ABHD12: variants seen among roughly 807,000 people sequenced by gnomAD.
ABHD12 encodes the protein lysophosphatidylserine lipase ABHD12.
In ABHD12, 43 loss-of-function variants were observed where a neutral mutation model predicts 58.3. That is an observed-to-expected ratio of 0.74 (90% CI 0.58 to 0.95). The LOEUF (loss-of-function observed/expected upper bound fraction) is 0.95, where lower values mean the gene tolerates loss of function less well. Among genes scored for constraint, ABHD12 ranks in the 40% least tolerant of loss-of-function variants. The pLI, the probability that ABHD12 is intolerant of heterozygous loss-of-function variation, is 0.00. For synonymous variants in ABHD12, 219 were observed against 211.2 expected (o/e 1.04, Z -0.32); for missense variants, 539 against 537.2 (o/e 1.00, Z -0.03).
At chr20:25,349,474 G>C (rs543735761) in intron 1 of ABHD12, among the ~76,000 whole-genome samples, 1 of 152,278 alleles carries the variant, frequency 6.6e-6, no homozygotes, top group Admixed American at 6.5e-5. Flanking sequence ...ATAGTCAAAA[G>C]GTGGAAGTAA....
In ABHD12 at chr20:25,315,887, C is replaced by T. The variant is rs142924978; in HGVS notation, c.574-917G>A. Among the ~76,000 whole-genome samples the T allele has an allele frequency of 1.7e-3, 256 of 152,360 alleles. 3 individuals are homozygous for T. Among genetic ancestry groups the T allele is most frequent in the African/African-American group, 5.8e-3 (240 of 41,594 alleles). ...TTCCCTTCTGCCCTGTGGGCCAGTGCAGATGGCCCTCTGAGGGGAGGAGAG... is the reference window on the plus strand; with the variant it reads ...TTCCCTTCTGCCCTGTGGGCCAGTGTAGATGGCCCTCTGAGGGGAGGAGAG... On this transcript the variant is annotated intron_variant, in intron 5 of 12. Coordinates refer to ENST00000339157, the MANE Select transcript of ABHD12 (RefSeq NM_001042472.3).
intron 1 of ABHD12, among the ~76,000 whole-genome samples, chr20:25,340,621 A>T (rs183628039): frequency 3.0e-3 from 464 of 152,352 alleles, no homozygotes; most frequent in Middle Eastern, 0.01. Context: ...CTCTAAACCT[A>T]GTGGGACAAG....
chr20:25,334,597 C>G (rs1174448261), intron 2 of ABHD12, among the ~76,000 whole-genome samples: 7 of 151,810 alleles, frequency 4.6e-5, no homozygotes, highest in Non-Finnish European at 1.0e-4. Context: ...GTACTGGTAC[C>G]AAAACAGAGA....
intron 1 of ABHD12, chr20:25,368,271 C>CT: frequency 6.5e-7 from 1 of 1,528,972 alleles, no homozygotes; most frequent in South Asian, 1.1e-5. Flanking sequence ...ACAAGTCAAA[C>CT]TTATTAGAGT....
At chr20:25,376,549 T>C (rs1195745842) in intron 1 of ABHD12, among the ~76,000 whole-genome samples, 1 of 152,172 alleles carries the variant, frequency 6.6e-6, no homozygotes, top group East Asian at 1.9e-4. Context: ...AACAAAAATA[T>C]TTCACCACTG....
At chr20:25,390,486 C>G (rs751396078) in intron 1 of ABHD12, 27 bp downstream of exon 1, 3 of 1,277,020 alleles carry the variant, frequency 2.3e-6, no homozygotes, top group Non-Finnish European at 2.0e-6. Context: ...GGCCCCCCCC[C>G]CCCCCCCGCT....
chr20:25,319,800 C>T (rs1328928537), intron 4 of ABHD12, among the ~76,000 whole-genome samples: 1 of 152,202 alleles, frequency 6.6e-6, no homozygotes, highest in Non-Finnish European at 1.5e-5. Context: ...TTTGAGATTA[C>T]AACAAGGAGA....
chr20:25,383,596 G>A (rs1223924062), intron 1 of ABHD12, among the ~76,000 whole-genome samples: 1 of 152,104 alleles, frequency 6.6e-6, no homozygotes, highest in African/African-American at 2.4e-5. Context: ...CGAGGCAGGC[G>A]GATCACAAGG....
rs560734616 is a variant in ABHD12 at position 25,360,310 on chromosome 20, G to A, written c.192-20959C>T. Among the ~76,000 whole-genome samples the A allele has an allele frequency of 5.2e-5, 7 of 134,162 alleles. No individual in the cohort carries two copies. In the Middle Eastern group the frequency reaches 0.013, roughly 248 times the overall value. 88.0% of individuals were successfully genotyped at this position (134,162 alleles called of 152,430 possible). A position where few individuals can be genotyped will look rare whatever the true frequency, so the allele number is the denominator to read the frequency against. ...GCCTGGAGTGCAGTGGTGCGATCTC[G>A]GCTCACTGCAACTTCCGCCTCCCAG... On this transcript the variant is annotated intron_variant, in intron 1 of 12. Transcript: ENST00000339157.
At chr20:25,351,860 C>T (rs557473541) in intron 1 of ABHD12, among the ~76,000 whole-genome samples, 4 of 152,114 alleles carry the variant, frequency 2.6e-5, no homozygotes, top group African/African-American at 7.2e-5. Flanking sequence ...GAGATTGCAC[C>T]GTTGCATCCC....
chr20:25,299,063 C>T (rs1430946431), downstream of ABHD12, among the ~76,000 whole-genome samples: 1 of 145,242 alleles, frequency 6.9e-6, no homozygotes, highest in Non-Finnish European at 1.5e-5. Context: ...CCACACAGTG[C>T]ACCCTTCTCG....
chr20:25,382,049 C>T (rs2090028784), intron 1 of ABHD12, among the ~76,000 whole-genome samples: 1 of 152,176 alleles, frequency 6.6e-6, no homozygotes, highest in Admixed American at 6.5e-5. Context: ...AGGAACATTC[C>T]ACACACCTGG....
intron 1 of ABHD12, among the ~76,000 whole-genome samples, chr20:25,354,066 G>T (rs1180640067): frequency 6.6e-6 from 1 of 152,168 alleles, no homozygotes; most frequent in African/African-American, 2.4e-5. Flanking sequence ...ATCCTGGAGC[G>T]GCCAAATAAA....
chr20:25,338,045 A>G (rs1463891687), intron 2 of ABHD12, among the ~76,000 whole-genome samples: 1 of 152,236 alleles, frequency 6.6e-6, no homozygotes, highest in Non-Finnish European at 1.5e-5. Context: ...TCTTACCGGC[A>G]TTAAAAAAAA....
chr20:25,377,954 C>T (rs1264620338), intron 1 of ABHD12, among the ~76,000 whole-genome samples: 2 of 152,160 alleles, frequency 1.3e-5, no homozygotes, highest in Non-Finnish European at 2.9e-5. Flanking sequence ...CCTCAGCCTC[C>T]CAAAGTGCTG....
chr20:25,308,349 GTGC>G, intron 8 of ABHD12, 105 bp downstream of exon 8: 1 of 1,417,146 alleles, frequency 7.1e-7, no homozygotes, highest in South Asian at 1.2e-5. Context: ...CCCCCAGAAT[GTGC>G]AGCTCATGCT....
intron 1 of ABHD12, among the ~76,000 whole-genome samples, chr20:25,380,383 T>G (rs2090008624): frequency 6.6e-6 from 1 of 152,196 alleles, no homozygotes; most frequent in South Asian, 2.1e-4. Context: ...TATAGTGGGC[T>G]GCCTGAAGTT....
At chr20:25,356,017 G>A (rs2089663581) in intron 1 of ABHD12, among the ~76,000 whole-genome samples, 1 of 152,168 alleles carries the variant, frequency 6.6e-6, no homozygotes. Context: ...CCTTTCCTGA[G>A]AGAACAAAAG....
At chr20:25,348,487 G>T (rs2089551545) in intron 1 of ABHD12, among the ~76,000 whole-genome samples, 1 of 147,940 alleles carries the variant, frequency 6.8e-6, no homozygotes, top group Admixed American at 6.8e-5. Flanking sequence ...TGGGTGTGCT[G>T]ACTTGAGCCT....
Sources: allele counts gnomAD v4.1 joint callset (sites outside exome capture counted in the v4.1 genomes callset), GRCh38; gene constraint gnomAD v4.1.1; transcripts MANE v1.5; gene names NCBI Gene and HGNC (gene_info 2026-07-23, HGNC 2026-07-21).